DLG2: variants seen among roughly 807,000 people sequenced by gnomAD.
The protein encoded by DLG2 is discs large MAGUK scaffold protein 2.
A neutral mutation model predicts 132.5 loss-of-function variants in DLG2; 45 were observed. The observed-to-expected ratio is 0.34, with a 90% confidence interval of 0.27 to 0.44. The LOEUF is 0.44. Among genes scored for constraint, DLG2 ranks in the 20% least tolerant of loss-of-function variants. The pLI, the probability that DLG2 is intolerant of heterozygous loss-of-function variation, is 1.00. For missense variants in DLG2, 1,045 were observed against 1,196.9 expected, an observed-to-expected ratio of 0.87 and a Z score of 1.87; for synonymous variants, 424 against 419.6, an observed-to-expected ratio of 1.01 and a Z score of -0.13.
At chr11:85,057,489 A>T (rs1415963529) in intron 6 of DLG2, among the ~76,000 whole-genome samples, 2 of 151,672 alleles carry the variant, frequency 1.3e-5, no homozygotes, top group Non-Finnish European at 3.0e-5. Context: ...AAATTTTCTA[A>T]TCTCTGATAA....
chr11:85,501,456 A>G (rs947535851), intron 3 of DLG2, among the ~76,000 whole-genome samples: 2 of 152,232 alleles, frequency 1.3e-5, no homozygotes, highest in Admixed American at 6.5e-5. Flanking sequence ...GCACAGCAAA[A>G]GAAACTATCA....
chr11:83,488,577 G>A (rs1459805121), intron 21 of DLG2, among the ~76,000 whole-genome samples: 1 of 151,920 alleles, frequency 6.6e-6, no homozygotes, highest in African/African-American at 2.4e-5. Flanking sequence ...TAAAACTAGG[G>A]ACATGTTTTA....
intron 3 of DLG2, among the ~76,000 whole-genome samples, chr11:85,379,491 C>T (rs2085700469): frequency 6.6e-6 from 1 of 152,146 alleles, no homozygotes; most frequent in African/African-American, 2.4e-5. Flanking sequence ...TGTTTTCACA[C>T]CAGTTGCTAC....
intron 6 of DLG2, among the ~76,000 whole-genome samples, chr11:84,538,235 C>A (rs2099360064): frequency 6.6e-6 from 1 of 152,100 alleles, no homozygotes; most frequent in Non-Finnish European, 1.5e-5. Flanking sequence ...GATATTCCAG[C>A]CAAAGGCACA....
chr11:84,524,095 T>C (rs1349895657), intron 7 of DLG2, among the ~76,000 whole-genome samples: 8 of 152,116 alleles, frequency 5.3e-5, no homozygotes, highest in African/African-American at 1.2e-4. Context: ...ACTCTAATGA[T>C]AGCTGAGGAG....
At position 83,792,670 on chromosome 11, in the gene DLG2, G is replaced by A. The variant is rs114823383; in HGVS notation, c.1723-5878C>T. On this transcript the variant is annotated intron_variant, in intron 17 of 27. Transcript: ENST00000376104. Reference sequence around the variant, plus strand: ...GCTTTCTAATTTACATATTTCTTCCGATTAATCTCATTCTTTTTAATAGCT... The same window carrying A: ...GCTTTCTAATTTACATATTTCTTCCAATTAATCTCATTCTTTTTAATAGCT... 8.3e-3 allele frequency among the ~76,000 whole-genome samples: 1,258 copies of A among 151,990 alleles called. 16 individuals are homozygous for A. Among genetic ancestry groups the A allele is most frequent in the African/African-American group, 0.029 (1,186 of 41,442 alleles).
intron 8 of DLG2, among the ~76,000 whole-genome samples, chr11:84,250,727 T>G (rs946272682): frequency 6.6e-6 from 1 of 152,204 alleles, no homozygotes. Flanking sequence ...TTGGTTTGCT[T>G]GATCCTATTA....
At chr11:85,571,069 T>C (rs1015679467) in intron 3 of DLG2, among the ~76,000 whole-genome samples, 1 of 152,164 alleles carries the variant, frequency 6.6e-6, no homozygotes, top group African/African-American at 2.4e-5. Context: ...AAACAACCGA[T>C]TTAAAATCTT....
At chr11:85,454,983 T>C (rs2153047523) in intron 3 of DLG2, among the ~76,000 whole-genome samples, 1 of 152,306 alleles carries the variant, frequency 6.6e-6, no homozygotes, top group South Asian at 2.1e-4. Context: ...TCTTTTTGCT[T>C]ATAATTGTTT....
At chr11:84,834,669 G>A (rs541423268) in intron 6 of DLG2, among the ~76,000 whole-genome samples, 2 of 151,452 alleles carry the variant, frequency 1.3e-5, no homozygotes, top group South Asian at 4.2e-4. Flanking sequence ...TTATCATGAG[G>A]TGCAGGGCAA....
rs138237834 is a variant in DLG2, at chr11:84,070,340, G to A, written c.750-10856C>T. ...TCAACCAAAGCTAGCATCATTCAAA[G>A]GCAAGTTCACACTCCATAGCCCATG... On this transcript the variant is annotated intron_variant, in intron 10 of 27. Coordinates refer to ENST00000376104, the MANE Select transcript of DLG2 (RefSeq NM_001142699.3). Among the ~76,000 whole-genome samples, 11 of 152,226 alleles carry A rather than the reference G, an allele frequency of 7.2e-5. No homozygotes were observed. In the East Asian group the frequency reaches 2.1e-3, roughly 29 times the overall value.
At chr11:85,543,873 T>A (rs181724675) in intron 3 of DLG2, among the ~76,000 whole-genome samples, 1 of 152,194 alleles carries the variant, frequency 6.6e-6, no homozygotes, top group East Asian at 1.9e-4. Context: ...AAGTTCTTTG[T>A]AGATTTTGGA....
chr11:84,590,752 T>C (rs1593117175), intron 6 of DLG2, among the ~76,000 whole-genome samples: 3 of 152,262 alleles, frequency 2.0e-5, no homozygotes, highest in East Asian at 1.9e-4. Flanking sequence ...CTCTGGACTA[T>C]ATAGCTGTGA....
rs996448895 is a variant in DLG2, at chr11:85,195,653, A to G, written c.187-41002T>C. Among the ~76,000 whole-genome samples, 6 of 151,310 alleles carry G rather than the reference A, an allele frequency of 4.0e-5. No individual in the cohort carries two copies. In the South Asian group the frequency reaches 6.3e-4, roughly 16 times the overall value. On this transcript the variant is annotated intron_variant, in intron 4 of 27. Coordinates refer to ENST00000376104, the MANE Select transcript of DLG2 (RefSeq NM_001142699.3). ...ATTCTCCTGCCTCAGCCTCCCGAGT[A>G]GCTGGGACTACAGGCGCCCACCATC... is the stretch of plus-strand genomic sequence containing the variant.
chr11:83,795,172 G>A (rs1391193553), intron 17 of DLG2, among the ~76,000 whole-genome samples: 6 of 152,104 alleles, frequency 3.9e-5, no homozygotes, highest in African/African-American at 1.2e-4. Flanking sequence ...TTGGGAGGCC[G>A]AGGTGGGCAG....
chr11:84,155,569 G>A (rs2154255186), intron 9 of DLG2, among the ~76,000 whole-genome samples: 1 of 151,680 alleles, frequency 6.6e-6, no homozygotes, highest in Admixed American at 6.6e-5. Context: ...CACACCCAAT[G>A]CCAGGTGCAG....
intron 6 of DLG2, among the ~76,000 whole-genome samples, chr11:84,879,343 GACT>G (rs1460138085): frequency 6.6e-5 from 10 of 152,220 alleles, no homozygotes; most frequent in Middle Eastern, 6.8e-3. Flanking sequence ...TAACACTGTA[GACT>G]ACTAAGAAAT....
Position 84,676,483 on chromosome 11 carries a change from G to A in DLG2, c.358-141752C>T, listed in dbSNP as rs188716444. The stretch of plus-strand genomic sequence containing the variant: ...TGGCACAGCTATGATTGGGATCTGA[G>A]GTCCTTTATCACACACCCTTTAATC... On this transcript the variant is annotated intron_variant, in intron 6 of 27. Coordinates refer to ENST00000376104, the MANE Select transcript of DLG2 (RefSeq NM_001142699.3). Among the ~76,000 whole-genome samples, 5 of 152,140 alleles carry A rather than the reference G, an allele frequency of 3.3e-5. No homozygotes were observed. The East Asian group carries it at 7.7e-4, about 24-fold the overall frequency.
chr11:84,095,242 G>C (rs1386638537), intron 10 of DLG2, among the ~76,000 whole-genome samples: 1 of 152,086 alleles, frequency 6.6e-6, no homozygotes, highest in Non-Finnish European at 1.5e-5. Flanking sequence ...AAGGAGAAAG[G>C]GGAAAACGGT....
Sources: allele counts gnomAD v4.1 joint callset (sites outside exome capture counted in the v4.1 genomes callset), GRCh38; gene constraint gnomAD v4.1.1; transcripts MANE v1.5; gene names NCBI Gene and HGNC (gene_info 2026-07-23, HGNC 2026-07-21).